C19orf38: variants seen among roughly 807,000 people sequenced by gnomAD.
C19orf38 encodes the protein protein HIDE1.
In C19orf38, 14 loss-of-function variants were observed where a neutral mutation model predicts 26.6. That is an observed-to-expected ratio of 0.53 (90% CI 0.35 to 0.82). The LOEUF is 0.82. Ranked by LOEUF, C19orf38 falls within the 40% of genes least tolerant of loss-of-function variation. The probability of loss-of-function intolerance (pLI) is 0.01; values close to 1 mark genes in which losing one functional copy is unlikely to be tolerated. For missense variants in C19orf38, 261 were observed against 299.5 expected (o/e 0.87, Z 0.95); for synonymous variants, 132 against 128.5 (o/e 1.03, Z -0.18).
chr19:10,842,569 T>A (rs2073486039), intron 1 of C19orf38, among the ~76,000 whole-genome samples: 1 of 152,010 alleles, frequency 6.6e-6, no homozygotes, highest in Non-Finnish European at 1.5e-5. Flanking sequence ...TAAAATAATT[T>A]TTAATGGAAA....
At chr19:10,856,784 A>G (rs2073630361) in intron 3 of C19orf38, among the ~76,000 whole-genome samples, 1 of 151,012 alleles carries the variant, frequency 6.6e-6, no homozygotes, top group Admixed American at 6.6e-5. Context: ...GATTATAGGC[A>G]TGAGCCACAG....
intron 2 of C19orf38, among the ~76,000 whole-genome samples, chr19:10,852,647 T>C (rs1244134956): frequency 2.0e-5 from 3 of 152,160 alleles, no homozygotes; most frequent in Non-Finnish European, 4.4e-5. Context: ...GCCCCGAGGC[T>C]GAAGCTTCCC....
intron 5 of C19orf38, 126 bp from the exon 6 acceptor site, chr19:10,863,044 T>C (rs1388084334): frequency 1.6e-5 from 15 of 943,428 alleles, no homozygotes; most frequent in East Asian, 2.6e-5. Flanking sequence ...AAAGGCGCCA[T>C]AGAGGATGCT....
At chr19:10,844,586 G>A (rs183723120), upstream of C19orf38, among the ~76,000 whole-genome samples, 1 of 151,780 alleles carries the variant, frequency 6.6e-6, no homozygotes, top group African/African-American at 2.4e-5. Flanking sequence ...AGTGGCTCAC[G>A]CCTGTAATCC....
chr19:10,850,529 T>G lies in C19orf38; in HGVS notation c.302T>G (p.Leu101Arg). ...TTAGGTGAGCTCAACCAGTCCCAGCTGTCAGACCTCAGCGAGCCCGTGAAC... is the reference window on the plus strand; with the variant it reads ...TTAGGTGAGCTCAACCAGTCCCAGCGGTCAGACCTCAGCGAGCCCGTGAAC... ...GVLGELNQSQLSDLSEPVNVS... is the reference protein window; with the variant it reads ...GVLGELNQSQRSDLSEPVNVS... The change falls in exon 2 of 7, where the codon CTG becomes CGG. Residue 101 changes from leucine to arginine, a missense_variant. Physicochemically the swap from Leu to Arg is moderately radical, Grantham distance 102. Coordinates refer to ENST00000397820, the MANE Select transcript of C19orf38 (RefSeq NM_001136482.3). 6.4e-7 allele frequency: 1 copy of G among 1,551,626 alleles called. No individual in the cohort carries two copies. The highest frequency in any genetic ancestry group is 1.2e-5 in the South Asian group (1 of 84,056).
At position 10,842,317 on chromosome 19, in the gene C19orf38, G is replaced by A. The variant is rs1599654329; in HGVS notation, c.-69+5547G>A. The A allele has an allele frequency of 7.1e-6, 5 of 706,820 alleles. No homozygotes were observed. In the East Asian group the frequency reaches 1.1e-4, roughly 16 times the overall value. The allele number at this position is 706,820 out of a possible 1,614,324, so 43.8% of individuals were successfully genotyped here. ...ACTCTGTCACCCAGGCTGGAGTGCAGTGGCGCGACCTTGGCTCACTGCAAG... is the reference window on the plus strand; with the variant it reads ...ACTCTGTCACCCAGGCTGGAGTGCAATGGCGCGACCTTGGCTCACTGCAAG... On this transcript the variant is annotated intron_variant, in intron 1 of 7. Transcript: ENST00000592854.
intron 1 of C19orf38, 24 bp from the exon 2 acceptor site, chr19:10,850,235 C>G: frequency 6.5e-7 from 1 of 1,530,548 alleles, no homozygotes; most frequent in Non-Finnish European, 8.8e-7. Flanking sequence ...CACGCACCCA[C>G]CCACCTTACC....
At chr19:10,842,576 GA>G (rs888965962) in intron 1 of C19orf38, among the ~76,000 whole-genome samples, 74 of 144,756 alleles carry the variant, frequency 5.1e-4, no homozygotes, top group East Asian at 1.0e-3. Context: ...ATTTTTAATG[GA>G]AAAAAAAAAA....
intron 5 of C19orf38, chr19:10,860,252 G>A (rs774934255): frequency 4.8e-5 from 17 of 353,028 alleles, no homozygotes; most frequent in East Asian, 3.4e-4. Context: ...ACAATTAGGC[G>A]GCCAGGCGCG....
chr19:10,859,803 G>A (rs1288872280), intron 4 of C19orf38, 112 bp from the exon 5 acceptor site: 4 of 933,780 alleles, frequency 4.3e-6, no homozygotes, highest in Non-Finnish European at 5.1e-6. Context: ...CAGTGGGTGG[G>A]GAGCAAAGGC....
chr19:10,858,084 C>T (rs2073649104), intron 3 of C19orf38, among the ~76,000 whole-genome samples: 1 of 151,310 alleles, frequency 6.6e-6, no homozygotes, highest in African/African-American at 2.4e-5. Flanking sequence ...CAAAAATAGC[C>T]TGGCCTGGTG....
rs1192246393 is a variant in C19orf38 at position 10,859,949 on chromosome 19, G to A, written c.496G>A (p.Asp166Asn). 1.3e-5 allele frequency: 20 copies of A among 1,551,610 alleles called. No homozygotes were observed. The highest frequency in any genetic ancestry group is 2.4e-5 in the East Asian group (1 of 40,926). ...ATCCTGCTGGGCCCAGATTAACTTCGACAGCACAGGTCTGTGCCTCCACAC... is the reference window on the plus strand; with the variant it reads ...ATCCTGCTGGGCCCAGATTAACTTCAACAGCACAGGTCTGTGCCTCCACAC... ...RESCWAQINF[D>N]STDMSFDNSL... Residue 166 changes from aspartate to asparagine, a missense_variant, in exon 5 of 7, where the codon GAC becomes AAC. Coordinates refer to ENST00000397820, the MANE Select transcript of C19orf38 (RefSeq NM_001136482.3).
intron 1 of C19orf38, among the ~76,000 whole-genome samples, chr19:10,848,779 G>A (rs2073540353): frequency 6.6e-6 from 1 of 152,038 alleles, no homozygotes; most frequent in Non-Finnish European, 1.5e-5. Flanking sequence ...TCACCCCTCT[G>A]GAGTCAGCTG....
upstream of C19orf38, among the ~76,000 whole-genome samples, chr19:10,845,620 CTG>C (rs1270814997): frequency 6.6e-6 from 1 of 152,166 alleles, no homozygotes; most frequent in Non-Finnish European, 1.5e-5. Context: ...TGGCTCACGC[CTG>C]TAATCCCAGC....
chr19:10,852,747 C>T (rs1448090414), intron 2 of C19orf38, among the ~76,000 whole-genome samples: 1 of 151,936 alleles, frequency 6.6e-6, no homozygotes, highest in Non-Finnish European at 1.5e-5. Context: ...CCAGGAGGAT[C>T]GTGGGGGGTC....
chr19:10,839,052 C>G (rs949902149), intron 1 of C19orf38, among the ~76,000 whole-genome samples: 3 of 151,994 alleles, frequency 2.0e-5, no homozygotes, highest in Non-Finnish European at 2.9e-5. Context: ...ATTACAGGTG[C>G]CTGCCACCAC....
chr19:10,859,378 ATATATATTTTTTTT>A (rs1356101193), intron 4 of C19orf38, among the ~76,000 whole-genome samples: 69 of 35,740 alleles, frequency 1.9e-3, no homozygotes, highest in Middle Eastern at 0.016. Flanking sequence ...ATATATATAT[ATATATATTTTTTTT>A]TTTTTTTTTA....
chr19:10,869,448 C>A lies in C19orf38; in HGVS notation c.*81C>A. 7.0e-7 allele frequency: 1 copy of A among 1,437,804 alleles called. No individual in the cohort carries two copies. Among genetic ancestry groups the A allele is most frequent in the South Asian group, 1.4e-5 (1 of 70,530 alleles). 89.1% of individuals were successfully genotyped at this position (1,437,804 alleles called of 1,614,324 possible). A position where few individuals can be genotyped will look rare whatever the true frequency, so the allele number is the denominator to read the frequency against. On this transcript the variant is annotated 3_prime_UTR_variant, in exon 7 of 7. Transcript: ENST00000397820. ...CCAGCTACTTCTGGGGGGGCTCTGT[C>A]AGCCACTTTCTCAGGGAATTGGACA... is the stretch of plus-strand genomic sequence containing the variant.
At chr19:10,842,336 C>G (rs1347333338) in intron 1 of C19orf38, 3 of 616,556 alleles carry the variant, frequency 4.9e-6, no homozygotes, top group Non-Finnish European at 8.5e-6. Context: ...CCTTGGCTCA[C>G]TGCAAGCTCC....
Sources: gnomAD v4.1 joint callset for allele counts (sites outside exome capture counted in the v4.1 genomes callset) on GRCh38, gnomAD v4.1.1 for gene constraint, MANE v1.5 for transcripts, NCBI Gene and HGNC (gene_info 2026-07-23, HGNC 2026-07-21) for gene names.